Variants in TSPAN9 observed in about 807,000 individuals in gnomAD.
TSPAN9 encodes tetraspanin-9.
Under a neutral mutation model 31.0 loss-of-function variants are expected in TSPAN9, and 16 were observed. That is an observed-to-expected ratio of 0.52 (90% confidence interval 0.35 to 0.78). The LOEUF (loss-of-function observed/expected upper bound fraction) is 0.78, where lower values mean the gene tolerates loss of function less well. Among genes scored for constraint, TSPAN9 ranks in the 30% least tolerant of loss-of-function variants. The pLI, the probability that TSPAN9 is intolerant of heterozygous loss-of-function variation, is 0.01. For synonymous variants in TSPAN9, 145 were observed against 121.6 expected, an observed-to-expected ratio of 1.19 and a Z score of -1.27; for missense variants, 272 against 312.5, an observed-to-expected ratio of 0.87 and a Z score of 0.98.
intron 3 of TSPAN9, among the ~76,000 whole-genome samples, chr12:3,216,566 A>G (rs750072808): frequency 6.6e-6 from 1 of 152,160 alleles, no homozygotes; most frequent in African/African-American, 2.4e-5. Flanking sequence ...TTATACAGAG[A>G]GGGAGATGGG....
At chr12:3,173,186 A>G (rs143861816) in intron 2 of TSPAN9, 2 of 152,592 alleles carry the variant, frequency 1.3e-5, no homozygotes, top group Non-Finnish European at 2.9e-5. Context: ...GCCCGGGTGG[A>G]TGAGTTCAGT....
intron 2 of TSPAN9, among the ~76,000 whole-genome samples, chr12:3,125,995 G>T (rs2098327210): frequency 6.6e-6 from 1 of 152,180 alleles, no homozygotes; most frequent in Non-Finnish European, 1.5e-5. Flanking sequence ...GACTTCTGTT[G>T]CGTTTGTTGT....
chr12:3,238,053 C>T (rs1312121767), intron 3 of TSPAN9, among the ~76,000 whole-genome samples: 1 of 152,150 alleles, frequency 6.6e-6, no homozygotes. Flanking sequence ...CTTCCCTCCT[C>T]TTCCCTCCCC....
At chr12:3,094,847 CTTTTTTT>C (rs61154605) in intron 2 of TSPAN9, among the ~76,000 whole-genome samples, 27,548 of 101,920 alleles carry the variant, frequency 0.27, 3,093 homozygotes, top group South Asian at 0.44. Context: ...AATCAATAAT[CTTTTTTT>C]TTTTTTTTTT....
intron 3 of TSPAN9, among the ~76,000 whole-genome samples, chr12:3,246,986 A>G (rs190459263): frequency 1.3e-5 from 2 of 152,170 alleles, no homozygotes; most frequent in East Asian, 3.9e-4. Flanking sequence ...CGCTGGGAGG[A>G]TGGGTGGTCT....
intron 3 of TSPAN9, among the ~76,000 whole-genome samples, chr12:3,206,822 G>A (rs117530927): frequency 0.015 from 2,353 of 152,258 alleles, 26 homozygotes; most frequent in South Asian, 0.04. Flanking sequence ...CTAATACTGC[G>A]TATTAGAGAC....
intron 2 of TSPAN9, among the ~76,000 whole-genome samples, chr12:3,184,443 G>GAA (rs1022424382): frequency 2.6e-5 from 4 of 151,668 alleles, no homozygotes; most frequent in Non-Finnish European, 5.9e-5. Flanking sequence ...GAGAAAGAAA[G>GAA]AGAGAAAGAG....
Position 3,140,550 on chromosome 12 carries a change from C to T in TSPAN9, c.-18+56831C>T, listed in dbSNP as rs540900573. ...CCCTGCAGGGAAGTTCAGAGGGTTT[C>T]TTAGGAGCAGCTGAAGGGATTTTTA... On this transcript the variant is annotated intron_variant, in intron 2 of 8. Coordinates refer to ENST00000011898, the MANE Select transcript of TSPAN9 (RefSeq NM_006675.5). Among the ~76,000 whole-genome samples the T allele has an allele frequency of 1.1e-4, 16 of 152,190 alleles. No individual in the cohort carries two copies. In the East Asian group the frequency reaches 3.1e-3, roughly 29 times the overall value.
chr12:3,160,472 A>G (rs2098344470), intron 2 of TSPAN9, among the ~76,000 whole-genome samples: 1 of 152,248 alleles, frequency 6.6e-6, no homozygotes. Context: ...AAATTGTTGG[A>G]TCATATAGTA....
chr12:3,277,953 A>C (rs1389010077), intron 3 of TSPAN9, among the ~76,000 whole-genome samples: 1 of 152,226 alleles, frequency 6.6e-6, no homozygotes, highest in African/African-American at 2.4e-5. Flanking sequence ...TGGCTCCAAG[A>C]AACCCGACTC....
intron 2 of TSPAN9, among the ~76,000 whole-genome samples, chr12:3,116,855 T>C (rs2098322675): frequency 6.6e-6 from 1 of 152,158 alleles, no homozygotes; most frequent in South Asian, 2.1e-4. Context: ...ATAACTTCAT[T>C]TCTAAACCCC....
intron 2 of TSPAN9, among the ~76,000 whole-genome samples, chr12:3,126,885 A>G (rs556910428): frequency 6.6e-6 from 1 of 152,086 alleles, no homozygotes; most frequent in African/African-American, 2.4e-5. Context: ...CCTGTCTCAA[A>G]CAAACAAACA....
chr12:3,127,228 T>G (rs1472616198), intron 2 of TSPAN9, among the ~76,000 whole-genome samples: 2 of 152,076 alleles, frequency 1.3e-5, no homozygotes, highest in African/African-American at 4.8e-5. Context: ...TAGTGAGACC[T>G]CTACATCTTG....
At chr12:3,211,840 C>T in intron 3 of TSPAN9, 1 of 1,594,096 alleles carries the variant, frequency 6.3e-7, no homozygotes, top group Admixed American at 1.7e-5. Context: ...AATTGGGGCT[C>T]TGCACCAGGC....
chr12:3,274,936 A>T (rs778085221), intron 3 of TSPAN9, among the ~76,000 whole-genome samples: 9 of 152,210 alleles, frequency 5.9e-5, no homozygotes, highest in Non-Finnish European at 1.2e-4. Context: ...TCCAGTCCAG[A>T]CTGCGCCCCC....
At chr12:3,152,689 A>G (rs1054112528) in intron 2 of TSPAN9, among the ~76,000 whole-genome samples, 4 of 152,058 alleles carry the variant, frequency 2.6e-5, no homozygotes, top group Admixed American at 2.6e-4. Context: ...AGGTTCAAGC[A>G]ATTCTCCCTG....
chr12:3,286,549 T>C lies in TSPAN9; in HGVS notation c.*3433T>C, dbSNP rs1863020775. The C allele has an allele frequency of 1.3e-5, 2 of 152,286 alleles. No individual in the cohort carries two copies. The highest frequency in any genetic ancestry group is 1.5e-5 in the Non-Finnish European group (1 of 68,016). 9.4% of individuals were successfully genotyped at this position (152,286 alleles called of 1,614,324 possible). A position where few individuals can be genotyped will look rare whatever the true frequency, so the allele number is the denominator to read the frequency against. On this transcript the variant is annotated 3_prime_UTR_variant, in exon 9 of 9. Transcript: ENST00000011898. The surrounding 1 kb of genome is among the most constrained non-coding windows in gnomAD (Gnocchi z 4.1). ...TGTTTTTAAATAAAAACGGATAAAG[T>C]GTCAAAAGCACAGCAGGCTGTCTCT...
At chr12:3,084,626 A>G (rs1327811706) in intron 2 of TSPAN9, among the ~76,000 whole-genome samples, 1 of 152,218 alleles carries the variant, frequency 6.6e-6, no homozygotes, top group Non-Finnish European at 1.5e-5. Context: ...ATTTGTCATC[A>G]TGATCAGACT....
intron 2 of TSPAN9, among the ~76,000 whole-genome samples, chr12:3,185,234 C>T (rs542543502): frequency 6.6e-6 from 1 of 152,126 alleles, no homozygotes. Flanking sequence ...TTGGGGGACT[C>T]GGCGGATAAG....
Sources: allele counts gnomAD v4.1 joint callset (sites outside exome capture counted in the v4.1 genomes callset), GRCh38; gene constraint gnomAD v4.1.1; non-coding constraint Gnocchi (gnomAD v3.1); transcripts MANE v1.5; gene names NCBI Gene and HGNC (gene_info 2026-07-23, HGNC 2026-07-21).